FLRT1: variants seen among roughly 807,000 people sequenced by gnomAD.
The protein encoded by FLRT1 is fibronectin leucine rich transmembrane protein 1.
A neutral mutation model predicts 30.9 loss-of-function variants in FLRT1; 14 were observed. The ratio of observed to expected loss-of-function variants is 0.45; its 90% confidence interval spans 0.30 to 0.71. FLRT1 has a LOEUF of 0.71. FLRT1 is among the 30% of genes least tolerant of loss of function. The pLI, the probability that FLRT1 is intolerant of heterozygous loss-of-function variation, is 0.08. For missense variants in FLRT1, 737 were observed against 949.2 expected (o/e 0.78, Z 2.94); for synonymous variants, 368 against 430.4 (o/e 0.85, Z 1.80).
chr11:64,036,890 C>A lies in FLRT1; in HGVS notation c.-1038+731C>A, dbSNP rs994859868. Reference sequence around the variant, plus strand: ...GCCCCTCCTCGCGGGCACTGGAGACCCCGGGGAGGAAGGCTGGGGAGTGTT... The same window carrying A: ...GCCCCTCCTCGCGGGCACTGGAGACACCGGGGAGGAAGGCTGGGGAGTGTT... On this transcript the variant is annotated intron_variant, in intron 1 of 2. Transcript: ENST00000682287. The surrounding 1 kb of genome is among the most constrained non-coding windows in gnomAD (Gnocchi z 5.6). Among the ~76,000 whole-genome samples the A allele has an allele frequency of 1.3e-4, 20 of 152,172 alleles. No homozygotes were observed. The highest frequency in any genetic ancestry group is 4.8e-4 in the African/African-American group (20 of 41,448).
intron 1 of FLRT1, among the ~76,000 whole-genome samples, chr11:64,037,661 G>A (rs1488013137): frequency 6.6e-6 from 1 of 152,114 alleles, no homozygotes; most frequent in East Asian, 1.9e-4. Flanking sequence ...GTGTGTGTGT[G>A]CGCACCCAGT....
chr11:64,049,165 G>T (rs749638471), intron 1 of FLRT1, among the ~76,000 whole-genome samples: 2 of 152,190 alleles, frequency 1.3e-5, no homozygotes, highest in Non-Finnish European at 2.9e-5. Flanking sequence ...AGGTCTGGGG[G>T]ACTTCAGGGC....
chr11:64,085,631 C>T (rs572818184), intron 1 of FLRT1, among the ~76,000 whole-genome samples: 2 of 152,338 alleles, frequency 1.3e-5, no homozygotes, highest in African/African-American at 2.4e-5. Flanking sequence ...TCCTCTGCCC[C>T]ACATGGCTGT....
chr11:64,040,805 G>A (rs1056001287), intron 1 of FLRT1, among the ~76,000 whole-genome samples: 1 of 152,114 alleles, frequency 6.6e-6, no homozygotes, highest in African/African-American at 2.4e-5. Context: ...GGAGTGAAGG[G>A]GCTGTGTCCT....
chr11:64,051,796 C>T (rs1258580879), intron 1 of FLRT1, among the ~76,000 whole-genome samples: 3 of 152,098 alleles, frequency 2.0e-5, no homozygotes, highest in Admixed American at 2.0e-4. Context: ...TTGCCCATGG[C>T]TTCATTGCCT....
chr11:64,095,006 A>G (rs1944552653), intron 1 of FLRT1, among the ~76,000 whole-genome samples: 1 of 152,184 alleles, frequency 6.6e-6, no homozygotes, highest in Non-Finnish European at 1.5e-5. Flanking sequence ...GAGCCTCGTT[A>G]TTAACAAAAG....
intron 1 of FLRT1, among the ~76,000 whole-genome samples, chr11:64,068,379 A>T (rs1421487806): frequency 6.6e-6 from 1 of 152,236 alleles, no homozygotes; most frequent in Non-Finnish European, 1.5e-5. Context: ...AGCTGCCCGC[A>T]TGCCCTAGTA....
chr11:64,042,452 C>T (rs1023210623), intron 1 of FLRT1, among the ~76,000 whole-genome samples: 5 of 152,200 alleles, frequency 3.3e-5, no homozygotes, highest in African/African-American at 1.2e-4. Context: ...GTGACAGCCC[C>T]TCCCCTAAGC....
intron 2 of FLRT1, among the ~76,000 whole-genome samples, chr11:64,108,905 G>T (rs1252853584): frequency 1.3e-5 from 2 of 152,200 alleles, no homozygotes; most frequent in Non-Finnish European, 2.9e-5. Context: ...CCAGTGCCAG[G>T]CCACATGGGC....
At chr11:64,112,266 T>C (rs1278685017) in intron 2 of FLRT1, among the ~76,000 whole-genome samples, 2 of 152,122 alleles carry the variant, frequency 1.3e-5, no homozygotes, top group Non-Finnish European at 2.9e-5. Flanking sequence ...GTAATCCCAG[T>C]ACTTTGAGAG....
intron 1 of FLRT1, among the ~76,000 whole-genome samples, chr11:64,049,555 G>T (rs9666077): frequency 0.2 from 30,634 of 152,240 alleles, 7,386 homozygotes; most frequent in African/African-American, 0.56. Flanking sequence ...CTTGGTCTCC[G>T]AGCTCAGCTG....
intron 1 of FLRT1, among the ~76,000 whole-genome samples, chr11:64,050,679 C>T (rs952774984): frequency 1.3e-5 from 2 of 152,202 alleles, no homozygotes; most frequent in East Asian, 1.9e-4. Flanking sequence ...AGTGCAGTGG[C>T]GCGATCATGG....
In FLRT1 at chr11:64,116,958, G is replaced by A. The variant is rs1356069352; in HGVS notation, c.691G>A (p.Gly231Ser). The change falls in exon 3 of 3, where the codon GGT becomes AGT. Residue 231 changes from glycine to serine, a missense_variant. Physicochemically the swap from Gly to Ser is moderately conservative, Grantham distance 56. Transcript: ENST00000682287. ...LNSLRRLVLD[G>S]NLLANQRIAD... ...CAGCCTGCGGCGCCTGGTGCTGGAC[G>A]GTAACCTGCTGGCCAACCAGCGCAT... is the stretch of plus-strand genomic sequence containing the variant. 1.2e-6 allele frequency: 2 copies of A among 1,611,588 alleles called. No homozygotes were observed. The highest frequency in any genetic ancestry group is 1.3e-5 in the African/African-American group (1 of 74,924).
Position 64,116,627 on chromosome 11 carries a change from G to A in FLRT1, c.360G>A (p.Glu120=). The A allele has an allele frequency of 6.2e-7, 1 of 1,614,180 alleles. No homozygotes were observed. Among genetic ancestry groups the A allele is most frequent in the Non-Finnish European group, 8.5e-7 (1 of 1,180,042 alleles). ...VIYLYENDLD[E]FPINLPRSLR... is the part of the protein sequence containing the mutation. ...ACCTATACGAGAATGACCTGGATGA[G>A]TTCCCCATCAACCTGCCCCGCTCCC... is the stretch of plus-strand genomic sequence containing the variant. Residue 120 remains glutamate, a synonymous_variant, in exon 3 of 3, where the codon GAG becomes GAA. Coordinates refer to ENST00000682287, the MANE Select transcript of FLRT1 (RefSeq NM_013280.5).
intron 1 of FLRT1, among the ~76,000 whole-genome samples, chr11:64,065,683 G>T (rs1943990645): frequency 1.3e-5 from 2 of 151,838 alleles, no homozygotes; most frequent in South Asian, 4.2e-4. Context: ...CCAGCTACTT[G>T]GGAGGCTGAG....
At chr11:64,103,010 G>A (rs1009287108) in intron 1 of FLRT1, among the ~76,000 whole-genome samples, 184 bp from the exon 2 acceptor site, 11 of 151,894 alleles carry the variant, frequency 7.2e-5, no homozygotes, top group Non-Finnish European at 1.0e-4. Flanking sequence ...GGCAGAGGTC[G>A]CAGTGAGCCG....
intron 2 of FLRT1, among the ~76,000 whole-genome samples, chr11:64,113,922 G>T (rs1230873719): frequency 6.8e-5 from 10 of 146,012 alleles, no homozygotes; most frequent in Middle Eastern, 3.5e-3. Flanking sequence ...ACAGGTGGAT[G>T]CATGGATTGA....
Position 64,117,104 on chromosome 11 carries a change from C to G in FLRT1, c.837C>G (p.Asp279Glu). The change falls in exon 3 of 3, where the codon GAC becomes GAG. Residue 279 changes from aspartate (D) to glutamate (E), a missense_variant. Physicochemically the swap from Asp to Glu is conservative, Grantham distance 45. Transcript: ENST00000682287. The part of the protein sequence containing the change: ...SAHLQKLYLQ[D>E]NAISHIPYNT... ...ACCTGCAGAAGCTCTACCTGCAGGA[C>G]AATGCCATCAGCCACATCCCCTACA... 1 of 1,606,758 alleles carries G rather than the reference C, an allele frequency of 6.2e-7. No individual in the cohort carries two copies. Among genetic ancestry groups the G allele is most frequent in the South Asian group, 1.1e-5 (1 of 90,130 alleles).
chr11:64,091,407 G>T (rs1944487906), intron 1 of FLRT1, among the ~76,000 whole-genome samples: 1 of 151,886 alleles, frequency 6.6e-6, no homozygotes, highest in Non-Finnish European at 1.5e-5. Context: ...AGGTTGGGGG[G>T]CGGGTGGCAC....
Sources: allele counts gnomAD v4.1 joint callset (sites outside exome capture counted in the v4.1 genomes callset), GRCh38; gene constraint gnomAD v4.1.1; non-coding constraint Gnocchi (gnomAD v3.1); transcripts MANE v1.5; gene names NCBI Gene and HGNC (gene_info 2026-07-23, HGNC 2026-07-21).